The following MYO10 variants were observed in gnomAD, a reference collection of about 807,000 sequenced individuals.
MYO10 encodes myosin X, also known as unconventional myosin-X.
Under a neutral mutation model 257.3 loss-of-function variants are expected in MYO10, and 133 were observed. The ratio of observed to expected loss-of-function variants is 0.52; its 90% confidence interval spans 0.45 to 0.60. The LOEUF is 0.60. MYO10 is among the 20% of genes least tolerant of loss of function. The probability of loss-of-function intolerance (pLI) is 0.00; values close to 1 mark genes in which losing one functional copy is unlikely to be tolerated. For synonymous variants in MYO10, 1,104 were observed against 1,028.6 expected, an observed-to-expected ratio of 1.07 and a Z score of -1.40; for missense variants, 2,399 against 2,635.7, an observed-to-expected ratio of 0.91 and a Z score of 1.97.
chr5:16,696,504 A>G (rs1006619872), intron 26 of MYO10, among the ~76,000 whole-genome samples: 3 of 152,198 alleles, frequency 2.0e-5, no homozygotes, highest in African/African-American at 7.2e-5. Context: ...TGATTTTAAT[A>G]CTTTGAATGT....
chr5:16,769,960 G>A (rs1297933900), intron 9 of MYO10, among the ~76,000 whole-genome samples: 2 of 151,888 alleles, frequency 1.3e-5, no homozygotes, highest in East Asian at 1.9e-4. Context: ...TGTAGAGATG[G>A]GGGTCTCATG....
intron 27 of MYO10, 142 bp downstream of exon 27, chr5:16,694,229 G>C (rs908691504): frequency 1.6e-6 from 2 of 1,278,144 alleles, no homozygotes; most frequent in Non-Finnish European, 2.2e-6. Flanking sequence ...CAGTTTCCTA[G>C]TAATTTAACC....
At position 16,831,223 on chromosome 5, in the gene MYO10, AT is replaced by A. The variant is rs539222167; in HGVS notation, c.121-13057del. On this transcript the variant is annotated intron_variant, in intron 2 of 40. Coordinates refer to ENST00000513610, the MANE Select transcript of MYO10 (RefSeq NM_012334.3). The stretch of plus-strand genomic sequence containing the variant: ...CAGTCAAAAAATTAAAAAAGAATCA[AT>A]GTTGTCATGGATGCGGTGAACAGGG... Among the ~76,000 whole-genome samples, 240 of 152,286 alleles carry A rather than the reference AT, an allele frequency of 1.6e-3. 2 individuals carry two copies. The highest frequency in any genetic ancestry group is 5.6e-3 in the African/African-American group (233 of 41,554).
intron 2 of MYO10, among the ~76,000 whole-genome samples, chr5:16,823,235 A>G (rs992474008): frequency 6.7e-6 from 1 of 150,078 alleles, no homozygotes; most frequent in Non-Finnish European, 1.5e-5. Context: ...ACTTGAGGCC[A>G]GGAGTTCAAG....
Position 16,856,956 on chromosome 5 carries a change from G to A in MYO10, c.120+20653C>T, listed in dbSNP as rs115160057. On this transcript the variant is annotated intron_variant, in intron 2 of 40. Transcript: ENST00000513610. ...CAACAGAAGCATTTAAATAGGAATCGAGCTTAGAAAACAAGCAATATGTAT... is the reference window on the plus strand; with the variant it reads ...CAACAGAAGCATTTAAATAGGAATCAAGCTTAGAAAACAAGCAATATGTAT... Among the ~76,000 whole-genome samples, 1,151 of 152,268 alleles carry A rather than the reference G, an allele frequency of 7.6e-3. 20 individuals are homozygous for A. The highest frequency in any genetic ancestry group is 0.026 in the African/African-American group (1,089 of 41,558).
intron 18 of MYO10, among the ~76,000 whole-genome samples, chr5:16,756,727 T>C (rs1273207137): frequency 6.6e-6 from 1 of 152,168 alleles, no homozygotes; most frequent in Non-Finnish European, 1.5e-5. Context: ...GCTCTTCTCC[T>C]GCCTTCGCCT....
At chr5:16,910,835 A>T (rs1211069818) in intron 1 of MYO10, among the ~76,000 whole-genome samples, 1 of 152,220 alleles carries the variant, frequency 6.6e-6, no homozygotes, top group African/African-American at 2.4e-5. Flanking sequence ...CTTCCCATTT[A>T]TGCTACACTC....
At chr5:16,800,878 C>T (rs576033966) in intron 3 of MYO10, among the ~76,000 whole-genome samples, 14 of 152,000 alleles carry the variant, frequency 9.2e-5, no homozygotes, top group Non-Finnish European at 1.9e-4. Flanking sequence ...CAGAAGATAC[C>T]AAGCCAGGCT....
Position 16,665,386 on chromosome 5 carries a change from C to T in MYO10, c.*1306G>A, listed in dbSNP as rs889994296. 1.3e-5 allele frequency: 2 copies of T among 152,108 alleles called. No individual in the cohort carries two copies. Among genetic ancestry groups the T allele is most frequent in the Non-Finnish European group, 2.9e-5 (2 of 68,002 alleles). 9.4% of individuals were successfully genotyped at this position (152,108 alleles called of 1,614,324 possible). The stretch of plus-strand genomic sequence containing the variant: ...GTACACAAAGGGACAAGGCAAATTT[C>T]TTTTTTCGTGTGGGTAGACTTAGTT... On this transcript the variant is annotated 3_prime_UTR_variant, in exon 41 of 41. Coordinates refer to ENST00000513610, the MANE Select transcript of MYO10 (RefSeq NM_012334.3).
chr5:16,774,697 A>C (rs1312515361), intron 9 of MYO10, among the ~76,000 whole-genome samples: 1 of 152,174 alleles, frequency 6.6e-6, no homozygotes, highest in East Asian at 1.9e-4. Flanking sequence ...CTGGGATTAC[A>C]GGCGTGAGCC....
chr5:16,933,819 G>A (rs1397114740), intron 1 of MYO10, among the ~76,000 whole-genome samples: 2 of 152,204 alleles, frequency 1.3e-5, no homozygotes, highest in African/African-American at 2.4e-5. Flanking sequence ...AGATTTAAGG[G>A]TGGAACTTTC....
chr5:16,700,959 T>C lies in MYO10; in HGVS notation c.3432+4A>G. 1 of 1,546,204 alleles carries C rather than the reference T, an allele frequency of 6.5e-7. No homozygotes were observed. Among genetic ancestry groups the C allele is most frequent in the Non-Finnish European group, 8.7e-7 (1 of 1,143,258 alleles). ...TCACTGGGACACGCCAGGCAGGTAC[T>C]TACCGAGGACTGCGCCCCCTCAGAG... On this transcript the variant is annotated splice_donor_region_variant and intron_variant, in intron 25 of 40. Coordinates refer to ENST00000513610, the MANE Select transcript of MYO10 (RefSeq NM_012334.3).
rs1456106180 is a variant in MYO10, at chr5:16,674,921, C to G, written c.4896G>C (p.Leu1632=). 1.2e-6 allele frequency: 2 copies of G among 1,613,918 alleles called. No homozygotes were observed. The highest frequency in any genetic ancestry group is 1.7e-6 in the Non-Finnish European group (2 of 1,179,908). The change falls in exon 35 of 41, where the codon CTG becomes CTC. Residue 1632 remains leucine (L), a synonymous_variant. Transcript: ENST00000513610. ...GCAGGAAGGTGCAGCTCAGGCATGT[C>G]AGGATCTGCCAGCTGTACAGGTTGC... ...SVGNLYSWQI[L]TCLSCTFLPS... is the part of the protein sequence containing the mutation.
intron 1 of MYO10, among the ~76,000 whole-genome samples, chr5:16,882,923 A>AT (rs1260338231): frequency 2.1e-4 from 31 of 144,218 alleles, no homozygotes; most frequent in African/African-American, 2.5e-4. Context: ...TTATTTATTT[A>AT]TTTTTTTTTT....
intron 4 of MYO10, among the ~76,000 whole-genome samples, chr5:16,788,186 G>GA (rs372895230): frequency 7.2e-5 from 11 of 152,274 alleles, no homozygotes; most frequent in African/African-American, 2.4e-4. Flanking sequence ...GGGCCGCGGG[G>GA]GCAGCAGAGA....
At chr5:16,674,338 G>A (rs1012050485) in intron 35 of MYO10, among the ~76,000 whole-genome samples, 9 of 151,928 alleles carry the variant, frequency 5.9e-5, no homozygotes, top group African/African-American at 4.8e-5. Context: ...GCGTTGTGGC[G>A]GGCGCCTGTA....
chr5:16,868,328 G>C (rs1744344034), intron 2 of MYO10, among the ~76,000 whole-genome samples: 1 of 152,148 alleles, frequency 6.6e-6, no homozygotes, highest in Admixed American at 6.5e-5. Context: ...TCTTCAGCTG[G>C]GCACGGTGGC....
At chr5:16,844,913 T>A (rs1217674908) in intron 2 of MYO10, among the ~76,000 whole-genome samples, 2 of 151,504 alleles carry the variant, frequency 1.3e-5, no homozygotes, top group Non-Finnish European at 2.9e-5. Context: ...CAACAAGATT[T>A]TATTCCAACA....
intron 26 of MYO10, among the ~76,000 whole-genome samples, chr5:16,695,085 G>A (rs1302994665): frequency 2.0e-5 from 3 of 152,198 alleles, no homozygotes; most frequent in Non-Finnish European, 4.4e-5. Context: ...TGTAATCCCA[G>A]CACTTTGGGA....
Sources: allele counts gnomAD v4.1 joint callset (sites outside exome capture counted in the v4.1 genomes callset), GRCh38; gene constraint gnomAD v4.1.1; transcripts MANE v1.5; gene names NCBI Gene and HGNC (gene_info 2026-07-23, HGNC 2026-07-21).